The following PLPPR1 variants were observed in gnomAD, a reference collection of about 807,000 sequenced individuals.
PLPPR1 encodes the protein phospholipid phosphatase-related protein type 1.
In PLPPR1, 10 loss-of-function variants were observed where a neutral mutation model predicts 33.1. That is an observed-to-expected ratio of 0.30 (90% confidence interval 0.19 to 0.51). The LOEUF (loss-of-function observed/expected upper bound fraction) is 0.51. PLPPR1 is among the 20% of genes least tolerant of loss of function. The pLI is 0.97. For missense variants in PLPPR1, 304 were observed against 408.1 expected (o/e 0.74, Z 2.20); for synonymous variants, 151 against 151.0 (o/e 1.00, Z 0.00).
intron 1 of PLPPR1, among the ~76,000 whole-genome samples, chr9:101,183,318 TC>T (rs1826149712): frequency 6.6e-6 from 1 of 151,864 alleles, no homozygotes; most frequent in African/African-American, 2.4e-5. Context: ...GGAATATTAT[TC>T]GGCAGTTAAA....
chr9:101,187,738 TTTAA>T (rs1826228162), intron 2 of PLPPR1: 1 of 152,034 alleles, frequency 6.6e-6, no homozygotes, highest in Non-Finnish European at 1.5e-5. Context: ...TCACTGTTTT[TTTAA>T]TTATGAAAGA....
chr9:101,100,149 C>CA (rs150671231), intron 1 of PLPPR1, among the ~76,000 whole-genome samples: 4,460 of 148,108 alleles, frequency 0.03, 209 homozygotes, highest in East Asian at 0.16. Flanking sequence ...ATGAAATTTA[C>CA]AAAAAAAAAT....
chr9:101,297,918 G>A (rs1828679064), intron 4 of PLPPR1, among the ~76,000 whole-genome samples: 1 of 152,046 alleles, frequency 6.6e-6, no homozygotes, highest in African/African-American at 2.4e-5. Flanking sequence ...CAATGACTAA[G>A]TAAGGAAGTT....
intron 2 of PLPPR1, among the ~76,000 whole-genome samples, chr9:101,259,057 G>A (rs1214005231): frequency 6.6e-6 from 1 of 152,066 alleles, no homozygotes; most frequent in African/African-American, 2.4e-5. Context: ...TCCCTTCCTT[G>A]ATGTAGTTGT....
chr9:101,163,955 G>T (rs1782515003), intron 1 of PLPPR1, among the ~76,000 whole-genome samples: 1 of 152,086 alleles, frequency 6.6e-6, no homozygotes, highest in South Asian at 2.1e-4. Context: ...AGGAATTTGT[G>T]GGTATTTGTT....
chr9:101,029,690 G>A (rs988496490), intron 1 of PLPPR1, among the ~76,000 whole-genome samples: 2 of 152,174 alleles, frequency 1.3e-5, no homozygotes, highest in African/African-American at 4.8e-5. Context: ...ATCGAGCTCC[G>A]GTGCCAAAGG....
intron 1 of PLPPR1, among the ~76,000 whole-genome samples, chr9:101,038,745 T>G (rs1258212989): frequency 2.6e-5 from 4 of 152,118 alleles, no homozygotes; most frequent in African/African-American, 9.7e-5. Flanking sequence ...GCATTGAAAT[T>G]CATGCCTTAT....
At chr9:101,107,886 T>C (rs1830995671) in intron 1 of PLPPR1, among the ~76,000 whole-genome samples, 1 of 151,336 alleles carries the variant, frequency 6.6e-6, no homozygotes, top group South Asian at 2.1e-4. Context: ...AAAAGCACAA[T>C]ATTCGGGTGG....
At chr9:101,116,056 C>G (rs1588034777) in intron 1 of PLPPR1, among the ~76,000 whole-genome samples, 1 of 152,270 alleles carries the variant, frequency 6.6e-6, no homozygotes, top group East Asian at 1.9e-4. Flanking sequence ...TAATACAAAT[C>G]CAAATGCGGT....
chr9:101,200,129 G>A (rs1826467626), intron 2 of PLPPR1, among the ~76,000 whole-genome samples: 2 of 152,108 alleles, frequency 1.3e-5, no homozygotes, highest in Non-Finnish European at 2.9e-5. Flanking sequence ...TAATTGACGG[G>A]GCATTGGCAG....
intron 3 of PLPPR1, among the ~76,000 whole-genome samples, chr9:101,273,666 A>G (rs79534205): frequency 0.033 from 4,979 of 152,332 alleles, 171 homozygotes; most frequent in South Asian, 0.18. Context: ...ATAATTATAA[A>G]AGGAATAGAA....
intron 1 of PLPPR1, among the ~76,000 whole-genome samples, chr9:101,158,409 G>C (rs1010062649): frequency 6.6e-6 from 1 of 152,194 alleles, no homozygotes; most frequent in Admixed American, 6.5e-5. Flanking sequence ...AAATGAAGAA[G>C]CTGGCTTTCA....
At chr9:101,277,013 C>T (rs1383051149) in intron 3 of PLPPR1, among the ~76,000 whole-genome samples, 1 of 152,140 alleles carries the variant, frequency 6.6e-6, no homozygotes, top group African/African-American at 2.4e-5. Context: ...CTGGGGTTAT[C>T]AATGTGACAG....
chr9:101,302,311 C>CAT (rs1194664064), intron 4 of PLPPR1, among the ~76,000 whole-genome samples: 12 of 152,232 alleles, frequency 7.9e-5, no homozygotes, highest in Non-Finnish European at 1.2e-4. Flanking sequence ...TTAAACATCT[C>CAT]ATCAGGTCAG....
intron 1 of PLPPR1, among the ~76,000 whole-genome samples, chr9:101,058,409 G>C (rs1830304544): frequency 6.6e-6 from 1 of 152,024 alleles, no homozygotes; most frequent in Non-Finnish European, 1.5e-5. Flanking sequence ...GAACAGATGG[G>C]GCAGGAGACA....
intron 2 of PLPPR1, among the ~76,000 whole-genome samples, chr9:101,247,953 T>C (rs1361612548): frequency 2.6e-5 from 4 of 152,030 alleles, no homozygotes; most frequent in African/African-American, 9.7e-5. Flanking sequence ...GTTCTTATTC[T>C]CCTTCACAGA....
chr9:101,237,536 G>A (rs181047922), intron 2 of PLPPR1, among the ~76,000 whole-genome samples: 283 of 150,346 alleles, frequency 1.9e-3, no homozygotes, highest in African/African-American at 6.4e-3. Context: ...TCTGATTTAA[G>A]TCTCTTTGGA....
intron 2 of PLPPR1, among the ~76,000 whole-genome samples, chr9:101,227,510 GT>G (rs1434733406): frequency 1.3e-5 from 2 of 151,970 alleles, no homozygotes; most frequent in East Asian, 3.9e-4. Context: ...TTTTTTTCTT[GT>G]AAATCCATTT....
At chr9:101,259,902 CTT>C (rs1049363140) in intron 2 of PLPPR1, among the ~76,000 whole-genome samples, 12 of 152,072 alleles carry the variant, frequency 7.9e-5, no homozygotes, top group African/African-American at 2.9e-4. Flanking sequence ...AGGGGGATGA[CTT>C]TGAGTTCTGT....
Sources: allele counts gnomAD v4.1 joint callset (sites outside exome capture counted in the v4.1 genomes callset), GRCh38; gene constraint gnomAD v4.1.1; transcripts MANE v1.5; gene names NCBI Gene and HGNC (gene_info 2026-07-23, HGNC 2026-07-21).